CDH13: variants seen among roughly 807,000 people sequenced by gnomAD.
CDH13 encodes the protein cadherin-13.
In CDH13, 24 loss-of-function variants were observed where a neutral mutation model predicts 63.8. That is an observed-to-expected ratio of 0.38 (90% confidence interval 0.27 to 0.53). CDH13 has a LOEUF of 0.53. CDH13 is among the 20% of genes least tolerant of loss of function. CDH13 has a pLI of 0.85. For synonymous variants in CDH13, 503 were observed against 355.3 expected, an observed-to-expected ratio of 1.42 and a Z score of -4.67; for missense variants, 1,049 against 903.1, an observed-to-expected ratio of 1.16 and a Z score of -2.07.
intron 4 of CDH13, among the ~76,000 whole-genome samples, chr16:83,157,855 G>A (rs1002951681): frequency 4.0e-5 from 6 of 151,854 alleles, no homozygotes; most frequent in African/African-American, 1.5e-4. Context: ...AGAGGTTGCA[G>A]TGAGCCAAGA....
At chr16:82,915,713 C>G (rs1368889393) in intron 2 of CDH13, among the ~76,000 whole-genome samples, 1 of 151,856 alleles carries the variant, frequency 6.6e-6, no homozygotes, top group African/African-American at 2.4e-5. Context: ...ATGATTGTCT[C>G]TCTTAGACAT....
At chr16:83,116,939 C>G (rs74030717) in intron 3 of CDH13, among the ~76,000 whole-genome samples, 6 of 152,166 alleles carry the variant, frequency 3.9e-5, no homozygotes, top group Non-Finnish European at 8.8e-5. Context: ...GGAGTGCAGA[C>G]CACTTTCACA....
chr16:83,148,073 G>T (rs2036826449), intron 4 of CDH13, among the ~76,000 whole-genome samples: 1 of 152,158 alleles, frequency 6.6e-6, no homozygotes, highest in Admixed American at 6.5e-5. Context: ...GAGTAGCTGG[G>T]ATTACAGGCG....
chr16:82,849,055 C>T (rs1180988482), intron 1 of CDH13, among the ~76,000 whole-genome samples: 3 of 152,150 alleles, frequency 2.0e-5, no homozygotes, highest in Non-Finnish European at 4.4e-5. Flanking sequence ...CCAGCCGCAA[C>T]GTTCCCTCAA....
chr16:83,537,060 A>G (rs2075205590), intron 7 of CDH13, among the ~76,000 whole-genome samples: 1 of 152,232 alleles, frequency 6.6e-6, no homozygotes, highest in South Asian at 2.1e-4. Flanking sequence ...TTTGAATGGC[A>G]GCTGTGGGGA....
At chr16:83,747,331 G>T (rs1912678842) in intron 10 of CDH13, among the ~76,000 whole-genome samples, 4 of 152,106 alleles carry the variant, frequency 2.6e-5, no homozygotes, top group Admixed American at 2.6e-4. Flanking sequence ...TCGTGATAGT[G>T]AATAAGTCCC....
intron 1 of CDH13, among the ~76,000 whole-genome samples, chr16:82,772,254 C>T (rs2035298705): frequency 6.6e-6 from 1 of 152,184 alleles, no homozygotes; most frequent in South Asian, 2.1e-4. Context: ...CAGAAGTGTT[C>T]AGTAAATATT....
chr16:83,572,628 C>G (rs1256085573), intron 7 of CDH13, among the ~76,000 whole-genome samples: 3 of 152,144 alleles, frequency 2.0e-5, no homozygotes, highest in African/African-American at 4.8e-5. Context: ...TATTCTAGCC[C>G]TCGCTCACCA....
At chr16:82,731,462 T>C (rs1311351662) in intron 1 of CDH13, among the ~76,000 whole-genome samples, 1 of 152,240 alleles carries the variant, frequency 6.6e-6, no homozygotes, top group Admixed American at 6.5e-5. Flanking sequence ...GCTGTTACAT[T>C]GTATATTGCC....
In CDH13 at chr16:82,948,996, A is replaced by G. The variant is rs13331567; in HGVS notation, c.158-83014A>G. Among the ~76,000 whole-genome samples, 1,223 of 152,250 alleles carry G rather than the reference A, an allele frequency of 8.0e-3. 9 individuals are homozygous for G. The highest frequency in any genetic ancestry group is 0.021 in the African/African-American group (869 of 41,544). On this transcript the variant is annotated intron_variant, in intron 2 of 13. Coordinates refer to ENST00000567109, the MANE Select transcript of CDH13 (RefSeq NM_001257.5). ...ATTCAGTGACTGTAAACATCTTTCA[A>G]CTCTACATTGTGAGAGAGTTTTCAA...
At chr16:83,243,385 C>G (rs148752270) in intron 5 of CDH13, among the ~76,000 whole-genome samples, 1 of 152,246 alleles carries the variant, frequency 6.6e-6, no homozygotes, top group South Asian at 2.1e-4. Context: ...GGAAATTTCC[C>G]TTTATAAAAG....
intron 4 of CDH13, among the ~76,000 whole-genome samples, chr16:83,131,182 A>ACCCC (rs1173636265): frequency 5.8e-5 from 5 of 86,350 alleles, no homozygotes; most frequent in African/African-American, 2.1e-4. Flanking sequence ...GGGGTGTATG[A>ACCCC]CCCCCCCCCC....
chr16:82,787,454 C>A (rs552458715), intron 1 of CDH13, among the ~76,000 whole-genome samples: 3 of 152,016 alleles, frequency 2.0e-5, no homozygotes, highest in Non-Finnish European at 4.4e-5. Flanking sequence ...TGGACTGATA[C>A]CAGATAGTAG....
intron 2 of CDH13, among the ~76,000 whole-genome samples, chr16:82,997,252 C>G (rs1450291877): frequency 6.6e-6 from 1 of 151,824 alleles, no homozygotes; most frequent in African/African-American, 2.4e-5. Flanking sequence ...TTACTCTAGG[C>G]TAGATATTGT....
At chr16:82,737,510 G>C (rs1198385691) in intron 1 of CDH13, among the ~76,000 whole-genome samples, 1 of 152,174 alleles carries the variant, frequency 6.6e-6, no homozygotes, top group Non-Finnish European at 1.5e-5. Context: ...CTGATGACTT[G>C]TTTCAAAATG....
chr16:83,660,272 G>A (rs1913318021), intron 8 of CDH13, among the ~76,000 whole-genome samples: 1 of 152,164 alleles, frequency 6.6e-6, no homozygotes, highest in South Asian at 2.1e-4. Flanking sequence ...TAGAACCAGT[G>A]GGATCCCTGA....
chr16:82,995,525 T>A (rs1245442211), intron 2 of CDH13, among the ~76,000 whole-genome samples: 1 of 152,148 alleles, frequency 6.6e-6, no homozygotes, highest in Non-Finnish European at 1.5e-5. Flanking sequence ...GGCAACAGGA[T>A]GCATCCCCAA....
chr16:82,952,639 A>C (rs926275127), intron 2 of CDH13, among the ~76,000 whole-genome samples: 8 of 152,176 alleles, frequency 5.3e-5, no homozygotes, highest in African/African-American at 1.9e-4. Context: ...TTTTCTGTGG[A>C]TCAGATGATT....
chr16:82,921,266 ACT>A (rs1036287908), intron 2 of CDH13, among the ~76,000 whole-genome samples: 3 of 151,782 alleles, frequency 2.0e-5, no homozygotes, highest in African/African-American at 7.3e-5. Context: ...GCAGAGCTAC[ACT>A]CTCTCCAGAA....
Sources: allele counts gnomAD v4.1 joint callset (sites outside exome capture counted in the v4.1 genomes callset), GRCh38; gene constraint gnomAD v4.1.1; transcripts MANE v1.5; gene names NCBI Gene and HGNC (gene_info 2026-07-23, HGNC 2026-07-21).